The following SYT2 variants were observed in gnomAD, a reference collection of about 807,000 sequenced individuals.
The protein encoded by SYT2 is synaptotagmin-2.
In SYT2, 15 loss-of-function variants were observed where a neutral mutation model predicts 39.9. The ratio of observed to expected loss-of-function variants is 0.38; its 90% confidence interval spans 0.25 to 0.58. The LOEUF is 0.58. Among genes scored for constraint, SYT2 ranks in the 20% least tolerant of loss-of-function variants. The probability of loss-of-function intolerance (pLI) is 0.70; values close to 1 mark genes in which losing one functional copy is unlikely to be tolerated. For synonymous variants in SYT2, 181 were observed against 204.5 expected (o/e 0.89, Z 0.98); for missense variants, 389 against 530.3 (o/e 0.73, Z 2.62).
chr1:202,678,509 G>A (rs115920250), intron 1 of SYT2, among the ~76,000 whole-genome samples: 1,885 of 151,928 alleles, frequency 0.012, 38 homozygotes, highest in African/African-American at 0.043. Flanking sequence ...CTCACCCAGT[G>A]CCCCTCCCTC....
chr1:202,705,524 C>A (rs556669038), intron 1 of SYT2, among the ~76,000 whole-genome samples: 41 of 152,346 alleles, frequency 2.7e-4, no homozygotes, highest in Non-Finnish European at 5.9e-5. Flanking sequence ...AGGTAACCCC[C>A]CTTTCTTTCA....
intron 1 of SYT2, among the ~76,000 whole-genome samples, chr1:202,666,134 C>A (rs532578285): frequency 1.9e-3 from 237 of 126,804 alleles, no homozygotes; most frequent in African/African-American, 6.8e-3. Flanking sequence ...GCCTGGGCGA[C>A]AGAGCGAGAC....
intron 1 of SYT2, among the ~76,000 whole-genome samples, chr1:202,631,250 G>A (rs1198469703): frequency 6.6e-6 from 1 of 152,158 alleles, no homozygotes; most frequent in Non-Finnish European, 1.5e-5. Context: ...GGGAGTTCCA[G>A]TTCACCCTAC....
At chr1:202,685,048 G>T (rs766119699) in intron 1 of SYT2, among the ~76,000 whole-genome samples, 1 of 152,172 alleles carries the variant, frequency 6.6e-6, no homozygotes, top group Non-Finnish European at 1.5e-5. Context: ...CATGGAAGCC[G>T]GGAAGAGAGA....
At chr1:202,674,753 C>T (rs1653310834) in intron 1 of SYT2, among the ~76,000 whole-genome samples, 1 of 152,126 alleles carries the variant, frequency 6.6e-6, no homozygotes. Flanking sequence ...GTCCAGGCCT[C>T]CCACTTCACT....
At chr1:202,648,239 G>A (rs1692127193) in intron 1 of SYT2, among the ~76,000 whole-genome samples, 1 of 152,198 alleles carries the variant, frequency 6.6e-6, no homozygotes, top group African/African-American at 2.4e-5. Flanking sequence ...AGAGTGCAGA[G>A]GTGTGATCTC....
chr1:202,690,208 T>C (rs1236794137), intron 1 of SYT2, among the ~76,000 whole-genome samples: 1 of 152,068 alleles, frequency 6.6e-6, no homozygotes, highest in Non-Finnish European at 1.5e-5. Context: ...GTGTATGCAG[T>C]CATCAGATGG....
chr1:202,708,553 C>T (rs796161782), intron 1 of SYT2, among the ~76,000 whole-genome samples: 7 of 152,134 alleles, frequency 4.6e-5, no homozygotes, highest in African/African-American at 1.4e-4. Flanking sequence ...GTGGTTCAGT[C>T]GGGGTTCAGT....
intron 1 of SYT2, among the ~76,000 whole-genome samples, chr1:202,632,247 G>A (rs1481962835): frequency 6.6e-6 from 1 of 152,198 alleles, no homozygotes; most frequent in East Asian, 1.9e-4. Flanking sequence ...CCTCCTGACT[G>A]GGGTGGGGGA....
At chr1:202,702,921 C>A (rs921066160) in intron 1 of SYT2, among the ~76,000 whole-genome samples, 1 of 152,194 alleles carries the variant, frequency 6.6e-6, no homozygotes, top group African/African-American at 2.4e-5. Context: ...CCCCTCCTTG[C>A]GGCCTCACAG....
intron 1 of SYT2, among the ~76,000 whole-genome samples, chr1:202,618,549 C>CTTATG (rs1691114605): frequency 6.6e-6 from 1 of 152,156 alleles, no homozygotes; most frequent in African/African-American, 2.4e-5. Flanking sequence ...GACGCACCCC[C>CTTATG]TTATGAGTCA....
At chr1:202,680,789 C>T (rs1653504787) in intron 1 of SYT2, among the ~76,000 whole-genome samples, 1 of 152,162 alleles carries the variant, frequency 6.6e-6, no homozygotes, top group African/African-American at 2.4e-5. Context: ...CAAGCAAATT[C>T]CTGAAGACAA....
At chr1:202,686,830 C>T (rs1206620929) in intron 1 of SYT2, among the ~76,000 whole-genome samples, 4 of 152,136 alleles carry the variant, frequency 2.6e-5, no homozygotes, top group Non-Finnish European at 5.9e-5. Context: ...AAGGGCTTCA[C>T]ACTTCTGAGT....
chr1:202,619,557 T>C (rs545045146), intron 1 of SYT2, among the ~76,000 whole-genome samples: 18 of 152,360 alleles, frequency 1.2e-4, no homozygotes, highest in East Asian at 5.8e-4. Context: ...CCTCTGCCAT[T>C]GCACCCTGTC....
chr1:202,697,603 G>A (rs1654006558), intron 1 of SYT2, among the ~76,000 whole-genome samples: 1 of 152,256 alleles, frequency 6.6e-6, no homozygotes, highest in Non-Finnish European at 1.5e-5. Context: ...TTATTTGGGA[G>A]AAGAAAACAG....
chr1:202,625,213 G>A (rs1691355642), intron 1 of SYT2, among the ~76,000 whole-genome samples: 2 of 137,342 alleles, frequency 1.5e-5, no homozygotes, highest in Admixed American at 7.2e-5. Context: ...TGTGTGTGAT[G>A]TTTGTGGTGT....
intron 1 of SYT2, among the ~76,000 whole-genome samples, chr1:202,649,082 A>G (rs1051612236): frequency 6.6e-6 from 1 of 152,284 alleles, no homozygotes; most frequent in African/African-American, 2.4e-5. Context: ...GCTGCTGAGC[A>G]GCTAAGGCTG....
chr1:202,707,603 G>T (rs1654285737), intron 1 of SYT2, among the ~76,000 whole-genome samples: 1 of 152,178 alleles, frequency 6.6e-6, no homozygotes, highest in Non-Finnish European at 1.5e-5. Context: ...GGGAATGATG[G>T]TCATTCTTCC....
intron 1 of SYT2, among the ~76,000 whole-genome samples, chr1:202,682,821 C>T (rs1311689498): frequency 6.6e-6 from 1 of 152,170 alleles, no homozygotes; most frequent in Non-Finnish European, 1.5e-5. Context: ...AAACCCAGCC[C>T]TTCTGCTTTA....
Sources: gnomAD v4.1 joint callset for allele counts (sites outside exome capture counted in the v4.1 genomes callset) on GRCh38, gnomAD v4.1.1 for gene constraint, MANE v1.5 for transcripts, NCBI Gene and HGNC (gene_info 2026-07-23, HGNC 2026-07-21) for gene names.